GALNT7: variants seen among roughly 807,000 people sequenced by gnomAD.
GALNT7 encodes the protein N-acetylgalactosaminyltransferase 7.
Under a neutral mutation model 82.1 loss-of-function variants are expected in GALNT7, and 60 were observed. That is an observed-to-expected ratio of 0.73 (90% CI 0.59 to 0.91). GALNT7 has a LOEUF of 0.91. GALNT7 is among the 40% of genes least tolerant of loss of function. GALNT7 has a pLI of 0.00. For synonymous variants in GALNT7, 243 were observed against 275.1 expected (o/e 0.88, Z 1.15); for missense variants, 660 against 804.2 (o/e 0.82, Z 2.17).
At chr4:173,248,493 GT>G in intron 2 of GALNT7, 53 bp downstream of exon 2, 1 of 1,088,008 alleles carries the variant, frequency 9.2e-7, no homozygotes, top group Non-Finnish European at 1.3e-6. Flanking sequence ...GTTTTCATAG[GT>G]TTTTAGGTTT....
chr4:173,309,979 C>T (rs942252308), intron 8 of GALNT7, among the ~76,000 whole-genome samples: 1 of 152,186 alleles, frequency 6.6e-6, no homozygotes, highest in African/African-American at 2.4e-5. Flanking sequence ...TATTTATCCT[C>T]TCTAAAAATT....
At chr4:173,198,719 TG>T (rs1414621396) in intron 1 of GALNT7, among the ~76,000 whole-genome samples, 3 of 152,250 alleles carry the variant, frequency 2.0e-5, no homozygotes, top group Admixed American at 6.5e-5. Flanking sequence ...CAGTAAATGT[TG>T]GAGACTTTCT....
intron 2 of GALNT7, among the ~76,000 whole-genome samples, chr4:173,278,114 T>C (rs1469767810): frequency 6.6e-6 from 1 of 152,340 alleles, no homozygotes; most frequent in Non-Finnish European, 1.5e-5. Context: ...AGGGAGATCA[T>C]TTAAACATAT....
intron 9 of GALNT7, chr4:173,316,836 C>T (rs1301672005): frequency 1.3e-5 from 2 of 152,268 alleles, no homozygotes; most frequent in Non-Finnish European, 2.9e-5. Flanking sequence ...TTTGGAGCTC[C>T]TCCAGGCAGG....
At chr4:173,203,050 A>G (rs1324793025) in intron 1 of GALNT7, among the ~76,000 whole-genome samples, 1 of 146,584 alleles carries the variant, frequency 6.8e-6, no homozygotes, top group Non-Finnish European at 1.5e-5. Flanking sequence ...CTTTCCGTCT[A>G]TGTGTCCTTA....
chr4:173,237,978 T>A (rs1211016185), intron 1 of GALNT7, among the ~76,000 whole-genome samples: 1 of 152,154 alleles, frequency 6.6e-6, no homozygotes, highest in Non-Finnish European at 1.5e-5. Context: ...GTTCAGCTTT[T>A]AAGCCATTCC....
At chr4:173,217,741 C>G (rs917056510) in intron 1 of GALNT7, among the ~76,000 whole-genome samples, 1 of 152,186 alleles carries the variant, frequency 6.6e-6, no homozygotes, top group Non-Finnish European at 1.5e-5. Flanking sequence ...TTAAGACACA[C>G]AGTGAAGATG....
At chr4:173,261,731 A>C (rs1412398489) in intron 2 of GALNT7, among the ~76,000 whole-genome samples, 1 of 152,164 alleles carries the variant, frequency 6.6e-6, no homozygotes, top group African/African-American at 2.4e-5. Context: ...AGGCAGCAGA[A>C]TTGCTTGAAC....
chr4:173,215,966 A>T (rs72711045), intron 1 of GALNT7, among the ~76,000 whole-genome samples: 65,313 of 151,804 alleles, frequency 0.43, 15,066 homozygotes, highest in East Asian at 0.66. Flanking sequence ...AAAAATAAAA[A>T]TAAAGAAATC....
At chr4:173,178,054 C>CGCGCGT (rs1732123288) in intron 1 of GALNT7, among the ~76,000 whole-genome samples, 1 of 123,124 alleles carries the variant, frequency 8.1e-6, no homozygotes, top group South Asian at 2.7e-4. Flanking sequence ...TGTGTGTGTG[C>CGCGCGT]GCGCACGCGC....
intron 1 of GALNT7, among the ~76,000 whole-genome samples, chr4:173,204,282 C>T (rs181294249): frequency 1.3e-3 from 203 of 152,178 alleles, no homozygotes; most frequent in African/African-American, 4.3e-3. Context: ...TGATTTTTGA[C>T]AGTTTGATTA....
intron 1 of GALNT7, among the ~76,000 whole-genome samples, chr4:173,236,864 C>T (rs756861197): frequency 6.6e-5 from 10 of 152,134 alleles, no homozygotes; most frequent in Non-Finnish European, 1.0e-4. Context: ...AATAAATATT[C>T]GGATAACAGA....
At chr4:173,275,726 A>G (rs1162255677) in intron 2 of GALNT7, among the ~76,000 whole-genome samples, 1 of 152,204 alleles carries the variant, frequency 6.6e-6, no homozygotes, top group Non-Finnish European at 1.5e-5. Flanking sequence ...AAATAAATCT[A>G]TGCATCTCAA....
intron 1 of GALNT7, among the ~76,000 whole-genome samples, chr4:173,201,363 A>G (rs1039888012): frequency 6.6e-6 from 1 of 152,206 alleles, no homozygotes; most frequent in Admixed American, 6.5e-5. Flanking sequence ...CAGGTAAGAA[A>G]TGGTAGGTCC....
At chr4:173,197,936 C>T (rs781467897) in intron 1 of GALNT7, among the ~76,000 whole-genome samples, 1 of 152,156 alleles carries the variant, frequency 6.6e-6, no homozygotes, top group African/African-American at 2.4e-5. Context: ...CAGATTGTGC[C>T]CCTCTCCCAG....
intron 1 of GALNT7, among the ~76,000 whole-genome samples, chr4:173,217,564 CT>C (rs1256929567): frequency 2.0e-5 from 3 of 152,090 alleles, no homozygotes; most frequent in African/African-American, 7.2e-5. Context: ...CCAAAATTAC[CT>C]TCCATAGCTT....
intron 2 of GALNT7, among the ~76,000 whole-genome samples, chr4:173,250,633 C>T (rs965792270): frequency 6.6e-6 from 1 of 152,186 alleles, no homozygotes; most frequent in African/African-American, 2.4e-5. Flanking sequence ...TTGCCTCTTA[C>T]TGTCTTTTTT....
intron 2 of GALNT7, among the ~76,000 whole-genome samples, chr4:173,278,293 G>C (rs1406222669): frequency 6.6e-6 from 1 of 152,222 alleles, no homozygotes; most frequent in African/African-American, 2.4e-5. Context: ...AAAGTGTTCA[G>C]ATCCCCGTGG....
chr4:173,295,712 T>C, intron 4 of GALNT7, 52 bp from the exon 5 acceptor site: 1 of 1,211,638 alleles, frequency 8.3e-7, no homozygotes, highest in African/African-American at 1.5e-5. Context: ...GTGTGTAATA[T>C]ATGATGTAAC....
Sources: gnomAD v4.1 joint callset for allele counts (sites outside exome capture counted in the v4.1 genomes callset) on GRCh38, gnomAD v4.1.1 for gene constraint, MANE v1.5 for transcripts, NCBI Gene and HGNC (gene_info 2026-07-23, HGNC 2026-07-21) for gene names.